Variants in LAMC3 observed in about 807,000 individuals in gnomAD.
The protein encoded by LAMC3 is laminin subunit gamma 3, also known as laminin subunit gamma-3.
Under a neutral mutation model 173.8 loss-of-function variants are expected in LAMC3, and 128 were observed. The observed-to-expected ratio is 0.74, with a 90% CI of 0.64 to 0.85. The LOEUF (loss-of-function observed/expected upper bound fraction) is 0.85, where lower values mean the gene tolerates loss of function less well. LAMC3 is among the 40% of genes least tolerant of loss of function. The probability of loss-of-function intolerance (pLI) is 0.00; values close to 1 mark genes in which losing one functional copy is unlikely to be tolerated. For missense variants in LAMC3, 2,022 were observed against 2,156.0 expected (o/e 0.94, Z 1.23); for synonymous variants, 897 against 909.1 (o/e 0.99, Z 0.24).
chr9:131,076,745 G>T (rs1427138839), intron 21 of LAMC3, among the ~76,000 whole-genome samples: 2 of 151,956 alleles, frequency 1.3e-5, no homozygotes, highest in African/African-American at 4.8e-5. Flanking sequence ...CAGGGATTCT[G>T]CAGCCCAGGG....
At chr9:131,021,088 G>A (rs896975837) in intron 1 of LAMC3, 18 of 152,164 alleles carry the variant, frequency 1.2e-4, no homozygotes, top group African/African-American at 4.3e-4. Context: ...CAAATTGTAG[G>A]TTCTTGCTTG....
chr9:131,042,710 A>AGCC (rs1469591144), intron 7 of LAMC3, among the ~76,000 whole-genome samples: 2 of 151,464 alleles, frequency 1.3e-5, no homozygotes, highest in Non-Finnish European at 2.9e-5. Flanking sequence ...TCCCTTTCAT[A>AGCC]GCCATGGCAG....
intron 27 of LAMC3, 101 bp downstream of exon 27, chr9:131,087,918 C>T: frequency 2.2e-6 from 2 of 911,714 alleles, no homozygotes; most frequent in African/African-American, 1.6e-5. Context: ...CCTCCTTGTC[C>T]TCATTGCCAT....
chr9:131,016,983 T>G lies in LAMC3; in HGVS notation c.373+7396T>G, dbSNP rs182603888. Among the ~76,000 whole-genome samples the G allele has an allele frequency of 2.4e-3, 373 of 152,282 alleles. 3 individuals carry two copies. The highest frequency in any genetic ancestry group is 8.4e-3 in the African/African-American group (351 of 41,552). ...CCTTGCTATGTTCTGTTTTAAGATGTTTTTCAAAGTTCTGGTGCAGCACAG... is the reference window on the plus strand; with the variant it reads ...CCTTGCTATGTTCTGTTTTAAGATGGTTTTCAAAGTTCTGGTGCAGCACAG... On this transcript the variant is annotated intron_variant, in intron 1 of 27. Coordinates refer to ENST00000361069, the MANE Select transcript of LAMC3 (RefSeq NM_006059.4).
At chr9:131,087,913 T>A in intron 27 of LAMC3, 96 bp downstream of exon 27, 1 of 927,328 alleles carries the variant, frequency 1.1e-6, no homozygotes, top group Non-Finnish European at 1.7e-6. Flanking sequence ...GATTTCCTCC[T>A]TGTCCTCATT....
intron 27 of LAMC3, among the ~76,000 whole-genome samples, chr9:131,090,225 G>A (rs747875619): frequency 6.6e-6 from 1 of 152,190 alleles, no homozygotes; most frequent in African/African-American, 2.4e-5. Flanking sequence ...AGGCCCTGTC[G>A]TGGAGCAGAC....
At chr9:131,050,433 G>T (rs764449992) in intron 9 of LAMC3, among the ~76,000 whole-genome samples, 1 of 152,178 alleles carries the variant, frequency 6.6e-6, no homozygotes, top group African/African-American at 2.4e-5. Context: ...TTCTGCCTAC[G>T]AGCACTCAGT....
In LAMC3 at chr9:131,086,182, G is replaced by A. The variant is rs148296314; in HGVS notation, c.4230+459G>A. On this transcript the variant is annotated intron_variant, in intron 25 of 27. Coordinates refer to ENST00000361069, the MANE Select transcript of LAMC3 (RefSeq NM_006059.4). Reference sequence around the variant, plus strand: ...CAATCTCCGCCTCCTGGGTTCAAGTGACTCTCCTGCCTCAGATTCCAGAGT... The same window carrying A: ...CAATCTCCGCCTCCTGGGTTCAAGTAACTCTCCTGCCTCAGATTCCAGAGT... 3.2e-3 allele frequency among the ~76,000 whole-genome samples: 482 copies of A among 152,128 alleles called. 2 individuals carry two copies. Among genetic ancestry groups the A allele is most frequent in the African/African-American group, 0.011 (464 of 41,504 alleles).
At chr9:131,091,216 G>A (rs1407141187) in intron 27 of LAMC3, among the ~76,000 whole-genome samples, 1 of 152,238 alleles carries the variant, frequency 6.6e-6, no homozygotes, top group Non-Finnish European at 1.5e-5. Context: ...CTCCCACACT[G>A]TTTTGTAAAT....
chr9:131,036,348 T>G lies in LAMC3; in HGVS notation c.976+16T>G. The G allele has an allele frequency of 6.2e-7, 1 of 1,612,450 alleles. No individual in the cohort carries two copies. Among genetic ancestry groups the G allele is most frequent in the Non-Finnish European group, 8.5e-7 (1 of 1,179,512 alleles). On this transcript the variant is annotated intron_variant, in intron 4 of 27. Coordinates refer to ENST00000361069, the MANE Select transcript of LAMC3 (RefSeq NM_006059.4). ...GAGTGTCTGCGTGAGTGTCTGAGTG[T>G]CACAGGGCATCAGGGACCCGAGGCT...
intron 20 of LAMC3, among the ~76,000 whole-genome samples, chr9:131,074,439 TA>T (rs1182427987): frequency 1.3e-5 from 2 of 150,366 alleles, no homozygotes; most frequent in Admixed American, 6.6e-5. Context: ...CTCACGCCTG[TA>T]ATCCCAGCAC....
chr9:131,016,195 G>A (rs910303225), intron 1 of LAMC3, among the ~76,000 whole-genome samples: 1 of 152,154 alleles, frequency 6.6e-6, no homozygotes, highest in African/African-American at 2.4e-5. Context: ...AGGCACCCTG[G>A]GATAGTCAAG....
At chr9:131,015,896 G>A (rs1029099191) in intron 1 of LAMC3, among the ~76,000 whole-genome samples, 18 of 152,218 alleles carry the variant, frequency 1.2e-4, no homozygotes, top group Admixed American at 1.3e-4. Flanking sequence ...GACCTCAGGT[G>A]ATCTGCCCTC....
chr9:131,031,444 C>G (rs567831742), intron 2 of LAMC3, among the ~76,000 whole-genome samples: 1 of 152,332 alleles, frequency 6.6e-6, no homozygotes, highest in East Asian at 1.9e-4. Flanking sequence ...AGTCCCTGCT[C>G]TCGTGGAAGA....
intron 27 of LAMC3, among the ~76,000 whole-genome samples, chr9:131,088,793 T>C (rs1258628201): frequency 6.6e-6 from 1 of 152,030 alleles, no homozygotes; most frequent in African/African-American, 2.4e-5. Flanking sequence ...TGAATTTGAC[T>C]ACTCTGGGCC....
At chr9:131,087,645 C>G in intron 26 of LAMC3, 23 bp downstream of exon 26, 2 of 1,613,794 alleles carry the variant, frequency 1.2e-6, no homozygotes, top group Non-Finnish European at 1.7e-6. Context: ...GGGCCCCTAC[C>G]CTATCGCCTC....
rs1019800729 is a variant in LAMC3 at position 131,026,517 on chromosome 9, C to T, written c.606C>T (p.Gly202=). The T allele has an allele frequency of 3.1e-6, 5 of 1,612,434 alleles. No homozygotes were observed. In the South Asian group the frequency reaches 4.4e-5, roughly 14 times the overall value. Residue 202 remains glycine (G), a synonymous_variant, in exon 2 of 28, where the codon GGC becomes GGT. Transcript: ENST00000361069. This position sits in a 1 kb window ranked among gnomAD's most constrained non-coding sequence, Gnocchi z 4.8. ...TCAGCGACATCTCCCCGCTGAGTGG[C>T]GGCAACGTGGCCTTCTCCACCCTGG... The part of the protein sequence containing the change: ...SEFSDISPLS[G]GNVAFSTLEG...
chr9:131,062,015 C>A (rs1042910958), intron 13 of LAMC3, among the ~76,000 whole-genome samples: 1 of 152,066 alleles, frequency 6.6e-6, no homozygotes, highest in Non-Finnish European at 1.5e-5. Flanking sequence ...TTCACCACTG[C>A]ACTCCAGCCT....
intron 2 of LAMC3, among the ~76,000 whole-genome samples, chr9:131,030,667 A>G (rs1187111044): frequency 2.6e-5 from 4 of 152,190 alleles, no homozygotes; most frequent in African/African-American, 9.7e-5. Context: ...CTAACCATAC[A>G]ATATGTGTCA....
Sources: gnomAD v4.1 joint callset for allele counts (sites outside exome capture counted in the v4.1 genomes callset) on GRCh38, gnomAD v4.1.1 for gene constraint, Gnocchi (gnomAD v3.1) non-coding constraint, MANE v1.5 for transcripts, NCBI Gene and HGNC (gene_info 2026-07-23, HGNC 2026-07-21) for gene names.